The following ADAMTSL1 variants were observed in gnomAD, a reference collection of about 807,000 sequenced individuals.
ADAMTSL1 encodes ADAMTS-like protein 1.
ADAMTSL1 carries 126 observed loss-of-function variants against 201.8 expected under a neutral mutation model. The ratio of observed to expected loss-of-function variants is 0.62; its 90% confidence interval spans 0.54 to 0.72. ADAMTSL1 has a LOEUF of 0.72. Ranked by LOEUF, ADAMTSL1 falls within the 30% of genes least tolerant of loss-of-function variation. The pLI is 0.00. For missense variants in ADAMTSL1, 2,679 were observed against 2,277.8 expected, an observed-to-expected ratio of 1.18 and a Z score of -3.59; for synonymous variants, 1,121 against 903.4, an observed-to-expected ratio of 1.24 and a Z score of -4.32.
intron 1 of ADAMTSL1, among the ~76,000 whole-genome samples, chr9:17,927,977 CTTTTCT>C (rs1202877061): frequency 1.3e-5 from 2 of 149,868 alleles, no homozygotes; most frequent in Non-Finnish European, 3.0e-5. Context: ...GGTTCTTTTT[CTTTTCT>C]TTTCTTTCTT....
At chr9:18,499,614 A>G (rs1333146468) in intron 1 of ADAMTSL1, among the ~76,000 whole-genome samples, 1 of 152,194 alleles carries the variant, frequency 6.6e-6, no homozygotes. Context: ...TTAATATAGA[A>G]GTGTGTGACA....
intron 22 of ADAMTSL1, among the ~76,000 whole-genome samples, chr9:18,829,508 C>G (rs916849825): frequency 2.0e-5 from 3 of 152,114 alleles, no homozygotes; most frequent in Admixed American, 2.0e-4. Flanking sequence ...CTAAAATTCA[C>G]TTTTTTAAAA....
At chr9:17,927,387 T>C (rs1429411239) in intron 1 of ADAMTSL1, among the ~76,000 whole-genome samples, 3 of 152,078 alleles carry the variant, frequency 2.0e-5, no homozygotes, top group Non-Finnish European at 4.4e-5. Context: ...CATGCACACA[T>C]ATACGTACAT....
At chr9:18,860,648 C>CTGT in intron 23 of ADAMTSL1, among the ~76,000 whole-genome samples, 1 of 152,228 alleles carries the variant, frequency 6.6e-6, no homozygotes, top group Non-Finnish European at 1.5e-5. Flanking sequence ...ATTGTAAACA[C>CTGT]TGTTCATTCC....
intron 3 of ADAMTSL1, among the ~76,000 whole-genome samples, chr9:18,546,323 T>G (rs1031802546): frequency 1.3e-5 from 2 of 152,066 alleles, no homozygotes; most frequent in Non-Finnish European, 2.9e-5. Flanking sequence ...TTATTATTGG[T>G]TTTTTTAGAG....
chr9:18,029,874 G>A (rs1051244145), intron 1 of ADAMTSL1, among the ~76,000 whole-genome samples: 71 of 151,996 alleles, frequency 4.7e-4, no homozygotes, highest in African/African-American at 1.6e-3. Context: ...TTAGAATGGT[G>A]ATCATTAAAA....
intron 23 of ADAMTSL1, among the ~76,000 whole-genome samples, chr9:18,858,125 C>T (rs1342834853): frequency 6.6e-6 from 1 of 152,144 alleles, no homozygotes; most frequent in Non-Finnish European, 1.5e-5. Context: ...CTATATTAAT[C>T]TATACATTGA....
At chr9:18,841,803 A>G (rs1260157050) in intron 23 of ADAMTSL1, among the ~76,000 whole-genome samples, 2 of 152,104 alleles carry the variant, frequency 1.3e-5, no homozygotes, top group East Asian at 3.8e-4. Flanking sequence ...CATTTCTTCT[A>G]GATTTTCTAG....
chr9:18,056,946 G>A (rs927538744), intron 1 of ADAMTSL1, among the ~76,000 whole-genome samples: 1 of 152,050 alleles, frequency 6.6e-6, no homozygotes, highest in Non-Finnish European at 1.5e-5. Flanking sequence ...GACGGCAAAT[G>A]CAAACCAGAC....
At chr9:18,208,812 A>T (rs562915093) in intron 2 of ADAMTSL1, among the ~76,000 whole-genome samples, 123 of 152,248 alleles carry the variant, frequency 8.1e-4, no homozygotes, top group African/African-American at 2.7e-3. Flanking sequence ...AAACAGGAAA[A>T]CTGGAAAGGA....
At chr9:18,480,880 G>GGA (rs2131805946) in intron 1 of ADAMTSL1, among the ~76,000 whole-genome samples, 1 of 152,246 alleles carries the variant, frequency 6.6e-6, no homozygotes, top group South Asian at 2.1e-4. Flanking sequence ...AGTGGATGAG[G>GGA]GAGTGGTAGA....
At chr9:18,507,578 A>T (rs1817751750) in intron 2 of ADAMTSL1, among the ~76,000 whole-genome samples, 1 of 152,140 alleles carries the variant, frequency 6.6e-6, no homozygotes, top group African/African-American at 2.4e-5. Context: ...TTTTATGGCA[A>T]TTACACACTT....
intron 14 of ADAMTSL1, among the ~76,000 whole-genome samples, chr9:18,720,351 T>G (rs1351876978): frequency 6.6e-6 from 1 of 152,230 alleles, no homozygotes. Context: ...TGTGCAGTTG[T>G]TGAGAGGACT....
chr9:18,249,166 C>T (rs928804555), intron 2 of ADAMTSL1, among the ~76,000 whole-genome samples: 9 of 152,004 alleles, frequency 5.9e-5, no homozygotes, highest in African/African-American at 1.9e-4. Context: ...GCAGTTGTTT[C>T]GTTAATCCCA....
chr9:18,381,636 C>T lies in ADAMTSL1; in HGVS notation c.208-123193C>T, dbSNP rs149434723. ...TTCTTCTTTTTCACAGAGAAGGAGA[C>T]GGTTCCTTTAATGAAATGCGTGTAG... is the stretch of plus-strand genomic sequence containing the variant. On this transcript the variant is annotated intron_variant, in intron 2 of 29. Transcript: ENST00000680146. Among the ~76,000 whole-genome samples, 483 of 152,018 alleles carry T rather than the reference C, an allele frequency of 3.2e-3. 4 individuals carry two copies. Among genetic ancestry groups the T allele is most frequent in the African/African-American group, 0.01 (435 of 41,440 alleles).
chr9:18,417,470 A>G (rs1057471192), intron 2 of ADAMTSL1, among the ~76,000 whole-genome samples: 4 of 151,904 alleles, frequency 2.6e-5, no homozygotes, highest in African/African-American at 9.7e-5. Context: ...AGTTCTTTGA[A>G]GGAAACAACT....
At position 18,259,734 on chromosome 9, in the gene ADAMTSL1, G is replaced by A. The variant is rs74431536; in HGVS notation, c.207+95753G>A. On this transcript the variant is annotated intron_variant, in intron 2 of 29. Transcript: ENST00000680146. ...TTCTTGGGAACTGGGGTCTAATAAC[G>A]CCTAATGCGCTTGTAAGATGAAATA... 7.8e-4 allele frequency among the ~76,000 whole-genome samples: 118 copies of A among 152,174 alleles called. No homozygotes were observed. The East Asian group carries it at 8.9e-3, about 11-fold the overall frequency.
intron 2 of ADAMTSL1, among the ~76,000 whole-genome samples, chr9:18,468,988 A>AT: frequency 6.6e-6 from 1 of 152,302 alleles, no homozygotes; most frequent in African/African-American, 2.4e-5. Flanking sequence ...CTAAAATCAT[A>AT]TTTTTTGCCC....
chr9:18,552,927 T>G (rs1820873838), intron 3 of ADAMTSL1, among the ~76,000 whole-genome samples: 1 of 151,656 alleles, frequency 6.6e-6, no homozygotes, highest in Non-Finnish European at 1.5e-5. Context: ...AATGTAAATA[T>G]TTTTAATTTT....
Sources: gnomAD v4.1 joint callset for allele counts (sites outside exome capture counted in the v4.1 genomes callset) on GRCh38, gnomAD v4.1.1 for gene constraint, MANE v1.5 for transcripts, NCBI Gene and HGNC (gene_info 2026-07-23, HGNC 2026-07-21) for gene names.